Variants in CCNDBP1 observed in about 807,000 individuals in gnomAD.
The protein encoded by CCNDBP1 is cyclin-D1-binding protein 1.
A neutral mutation model predicts 46.2 loss-of-function variants in CCNDBP1; 45 were observed. That is an observed-to-expected ratio of 0.97 (90% CI 0.77 to 1.25). The LOEUF is 1.25. CCNDBP1 is among the 50% of genes most tolerant of loss of function. The pLI, the probability that CCNDBP1 is intolerant of heterozygous loss-of-function variation, is 0.00. For missense variants in CCNDBP1, 436 were observed against 442.1 expected, an observed-to-expected ratio of 0.99 and a Z score of 0.12; for synonymous variants, 154 against 163.6, an observed-to-expected ratio of 0.94 and a Z score of 0.45.
intron 9 of CCNDBP1, chr15:43,193,501 C>T (rs1225419054): frequency 6.6e-6 from 1 of 152,270 alleles, no homozygotes; most frequent in East Asian, 1.9e-4. Context: ...GCTGAGGTCA[C>T]ATGTTTCTGA....
At chr15:43,194,046 CTTTTTTT>C (rs748207621) in intron 9 of CCNDBP1, 47 of 50,264 alleles carry the variant, frequency 9.4e-4, no homozygotes, top group African/African-American at 3.6e-3. Context: ...TCTTAATGCG[CTTTTTTT>C]TTTTTTTTTT....
chr15:43,191,091 GAATT>G, intron 7 of CCNDBP1, 49 bp downstream of exon 7: 4 of 1,385,184 alleles, frequency 2.9e-6, no homozygotes, highest in Non-Finnish European at 4.1e-6. Flanking sequence ...TAGTAGATGA[GAATT>G]AATTATAAAG....
chr15:43,185,458 C>T lies in CCNDBP1; in HGVS notation c.-41C>T, dbSNP rs1447500933. On this transcript the variant is annotated 5_prime_UTR_variant, in exon 1 of 11. Coordinates refer to ENST00000300213, the MANE Select transcript of CCNDBP1 (RefSeq NM_012142.5). Reference sequence around the variant, plus strand: ...TGTCGCAGTGCGGCTCCGGCAGTGGCAGCGGAGGCCTGTGTTTGCGGCCTT... The same window carrying T: ...TGTCGCAGTGCGGCTCCGGCAGTGGTAGCGGAGGCCTGTGTTTGCGGCCTT... 3 of 1,460,068 alleles carry T rather than the reference C, an allele frequency of 2.1e-6. No homozygotes were observed. In the African/African-American group the frequency reaches 4.2e-5, roughly 20 times the overall value. The allele number at this position is 1,460,068 out of a possible 1,614,324, so 90.4% of individuals were successfully genotyped here. A position where few individuals can be genotyped will look rare whatever the true frequency, so the allele number is the denominator to read the frequency against.
intron 7 of CCNDBP1, 140 bp downstream of exon 7, chr15:43,191,182 A>G: frequency 1.2e-6 from 1 of 819,086 alleles, no homozygotes; most frequent in South Asian, 1.6e-5. Flanking sequence ...ACTGCTTGTT[A>G]GTGTTTGATT....
In CCNDBP1 at chr15:43,185,461, C is replaced by G. The variant is rs2041784919; in HGVS notation, c.-38C>G. The stretch of plus-strand genomic sequence containing the variant: ...CGCAGTGCGGCTCCGGCAGTGGCAG[C>G]GGAGGCCTGTGTTTGCGGCCTTCGG... On this transcript the variant is annotated 5_prime_UTR_variant, in exon 1 of 11. Transcript: ENST00000300213. 6.8e-6 allele frequency: 10 copies of G among 1,479,330 alleles called. No homozygotes were observed. The highest frequency in any genetic ancestry group is 9.2e-6 in the Non-Finnish European group (10 of 1,088,324). 91.6% of individuals were successfully genotyped at this position (1,479,330 alleles called of 1,614,324 possible). A position where few individuals can be genotyped will look rare whatever the true frequency, so the allele number is the denominator to read the frequency against.
rs377745084 is a variant in CCNDBP1, at chr15:43,189,290, A to C, written c.331+10A>C. On this transcript the variant is annotated intron_variant, in intron 4 of 10. Transcript: ENST00000300213. ...CTTCCAAAGGATCAGGGTAAGCCACATAAGTGTTGCATTTATCGTGTAGAT... is the reference window on the plus strand; with the variant it reads ...CTTCCAAAGGATCAGGGTAAGCCACCTAAGTGTTGCATTTATCGTGTAGAT... The C allele has an allele frequency of 2.6e-6, 4 of 1,538,214 alleles. No homozygotes were observed. Among genetic ancestry groups the C allele is most frequent in the Admixed American group, 1.8e-5 (1 of 56,010 alleles).
In CCNDBP1 at chr15:43,189,581, A is replaced by C. The variant is rs1231351462; in HGVS notation, c.331+301A>C. On this transcript the variant is annotated intron_variant, in intron 4 of 10. Transcript: ENST00000300213. ...CAGATACTGGCTGGCTCTCAGCCCC[A>C]TATGCAGGCTCAGGCCATCCTTACT... 8.2e-6 allele frequency: 3 copies of C among 364,812 alleles called. No homozygotes were observed. The East Asian group carries it at 1.6e-4, about 19-fold the overall frequency. The allele number at this position is 364,812 out of a possible 1,614,324, so 22.6% of individuals were successfully genotyped here.
intron 1 of CCNDBP1, 103 bp from the exon 2 acceptor site, chr15:43,185,717 C>T: frequency 7.1e-7 from 1 of 1,402,560 alleles, no homozygotes; most frequent in Non-Finnish European, 9.6e-7. Context: ...AGAGGGCGGG[C>T]TGGGGCGGCG....
chr15:43,194,150 T>A, intron 9 of CCNDBP1: 1 of 381,150 alleles, frequency 2.6e-6, no homozygotes, highest in Non-Finnish European at 4.8e-6. Context: ...TACATTTTCC[T>A]TTTTCTGTCC....
At chr15:43,191,183 G>A in intron 7 of CCNDBP1, 141 bp downstream of exon 7, 6 of 821,054 alleles carry the variant, frequency 7.3e-6, no homozygotes, top group Non-Finnish European at 1.2e-5. Context: ...CTGCTTGTTA[G>A]TGTTTGATTT....
chr15:43,193,979 T>C, intron 9 of CCNDBP1: 1 of 326,090 alleles, frequency 3.1e-6, no homozygotes, highest in South Asian at 2.4e-5. Flanking sequence ...ATCTTATATG[T>C]ATTGATATTT....
In CCNDBP1 at chr15:43,194,902, G is replaced by A; in HGVS notation, c.*61G>A. The A allele has an allele frequency of 9.5e-7, 1 of 1,050,734 alleles. No individual in the cohort carries two copies. Among genetic ancestry groups the A allele is most frequent in the Non-Finnish European group, 1.5e-6 (1 of 679,352 alleles). 65.1% of individuals were successfully genotyped at this position (1,050,734 alleles called of 1,614,324 possible). A position where few individuals can be genotyped will look rare whatever the true frequency, so the allele number is the denominator to read the frequency against. On this transcript the variant is annotated 3_prime_UTR_variant, in exon 11 of 11. Coordinates refer to ENST00000300213, the MANE Select transcript of CCNDBP1 (RefSeq NM_012142.5). ...TCGTCATGGTCAGGCTCTGATACCT[G>A]CTTTTAAAATGGAGCTAGAATGCTT...
Position 43,192,451 on chromosome 15 carries a change from C to T in CCNDBP1, c.861-292C>T, listed in dbSNP as rs2041969117. ...GCTTCCACTGATGAAGGCTGCCTGC[C>T]TATATTAGTTATTAAACTGATGGTT... On this transcript the variant is annotated intron_variant, in intron 8 of 10. Coordinates refer to ENST00000300213, the MANE Select transcript of CCNDBP1 (RefSeq NM_012142.5). Among the ~76,000 whole-genome samples the T allele has an allele frequency of 2.0e-5, 3 of 152,160 alleles. No individual in the cohort carries two copies. The South Asian group carries it at 6.2e-4, about 32-fold the overall frequency.
intron 3 of CCNDBP1, among the ~76,000 whole-genome samples, chr15:43,186,824 A>G (rs571172550): frequency 1.8e-4 from 28 of 152,182 alleles, no homozygotes; most frequent in Non-Finnish European, 2.9e-4. Flanking sequence ...ATACATTCAT[A>G]TACATTTATC....
intron 7 of CCNDBP1, among the ~76,000 whole-genome samples, 166 bp downstream of exon 7, chr15:43,191,208 G>C (rs1361154438): frequency 1.3e-5 from 2 of 152,148 alleles, no homozygotes; most frequent in Non-Finnish European, 2.9e-5. Flanking sequence ...CCACTCCTCT[G>C]TGTTCCCTTA....
rs1239647476 is a variant in CCNDBP1, at chr15:43,195,180, T to G, written c.*339T>G. The G allele has an allele frequency of 5.4e-6, 1 of 183,558 alleles. No homozygotes were observed. Among genetic ancestry groups the G allele is most frequent in the Non-Finnish European group, 1.1e-5 (1 of 89,220 alleles). 11.4% of individuals were successfully genotyped at this position (183,558 alleles called of 1,614,324 possible). On this transcript the variant is annotated 3_prime_UTR_variant, in exon 11 of 11. Coordinates refer to ENST00000300213, the MANE Select transcript of CCNDBP1 (RefSeq NM_012142.5). ...GATGTTGATGGTCTCAATAAAATGC[T>G]AACTTGCCAGTGATTAAATGAGTGC...
intron 9 of CCNDBP1, chr15:43,194,007 T>A: frequency 5.7e-6 from 2 of 351,054 alleles, no homozygotes; most frequent in South Asian, 4.4e-5. Flanking sequence ...AACGTCTCCA[T>A]CTTATCCTTA....
At position 43,190,414 on chromosome 15, in the gene CCNDBP1, C is replaced by T. The variant is rs1184787460; in HGVS notation, c.502+16C>T. 1.9e-6 allele frequency: 3 copies of T among 1,611,212 alleles called. No individual in the cohort carries two copies. Among genetic ancestry groups the T allele is most frequent in the Non-Finnish European group, 2.5e-6 (3 of 1,177,428 alleles). On this transcript the variant is annotated intron_variant, in intron 6 of 10. Coordinates refer to ENST00000300213, the MANE Select transcript of CCNDBP1 (RefSeq NM_012142.5). ...ATACCAAGAGGTGAGTGAAAGTGGG[C>T]AGTGGGCCATGTCTGCTGGCCAAAG...
At chr15:43,193,872 G>A (rs533711573) in intron 9 of CCNDBP1, among the ~76,000 whole-genome samples, 2 of 152,142 alleles carry the variant, frequency 1.3e-5, no homozygotes, top group South Asian at 4.1e-4. Flanking sequence ...TTAAAAAATT[G>A]ACTTCCTAAG....
Sources: allele counts gnomAD v4.1 joint callset (sites outside exome capture counted in the v4.1 genomes callset), GRCh38; gene constraint gnomAD v4.1.1; transcripts MANE v1.5; gene names NCBI Gene and HGNC (gene_info 2026-07-23, HGNC 2026-07-21).